Variants in CSMD3 observed in about 807,000 individuals in gnomAD.
The protein encoded by CSMD3 is CUB and sushi domain-containing protein 3.
A neutral mutation model predicts 435.2 loss-of-function variants in CSMD3; 177 were observed. The ratio of observed to expected loss-of-function variants is 0.41; its 90% confidence interval spans 0.36 to 0.46. The LOEUF is 0.46. Among genes scored for constraint, CSMD3 ranks in the 20% least tolerant of loss-of-function variants. CSMD3 has a pLI of 0.34. For missense variants in CSMD3, 4,265 were observed against 4,504.6 expected (o/e 0.95, Z 1.52); for synonymous variants, 1,656 against 1,520.5 (o/e 1.09, Z -2.07).
intron 22 of CSMD3, among the ~76,000 whole-genome samples, chr8:112,587,620 T>C (rs1385961333): frequency 3.9e-5 from 6 of 152,076 alleles, no homozygotes; most frequent in South Asian, 2.1e-4. Flanking sequence ...TGAATAATTC[T>C]AACTTCATCT....
At chr8:112,949,641 C>A (rs1281913371) in intron 8 of CSMD3, among the ~76,000 whole-genome samples, 1 of 152,034 alleles carries the variant, frequency 6.6e-6, no homozygotes, top group South Asian at 2.1e-4. Flanking sequence ...AACCTAATCA[C>A]TTTGATGCTT....
At chr8:112,248,004 T>C (rs532251623) in intron 63 of CSMD3, among the ~76,000 whole-genome samples, 2 of 152,186 alleles carry the variant, frequency 1.3e-5, no homozygotes, top group South Asian at 2.1e-4. Flanking sequence ...GCAGGGTAGG[T>C]AGAGGTTTGG....
intron 1 of CSMD3, among the ~76,000 whole-genome samples, chr8:113,399,106 T>TATACATACAC (rs773585004): frequency 1.1e-5 from 1 of 95,096 alleles, no homozygotes; most frequent in African/African-American, 4.5e-5. Flanking sequence ...TATATATATA[T>TATACATACAC]ACACACACAC....
At chr8:112,390,585 A>T in intron 36 of CSMD3, 79 bp downstream of exon 36, 1 of 1,215,760 alleles carries the variant, frequency 8.2e-7, no homozygotes, top group Non-Finnish European at 1.2e-6. Context: ...AACTTTTAGA[A>T]ATAATGTTCA....
intron 32 of CSMD3, among the ~76,000 whole-genome samples, chr8:112,427,542 T>C (rs1813198617): frequency 6.6e-6 from 1 of 152,178 alleles, no homozygotes; most frequent in Non-Finnish European, 1.5e-5. Context: ...CCTGAGGAAC[T>C]GTGAGTCAAT....
chr8:112,890,989 GAAAT>G (rs2081769722), intron 10 of CSMD3, among the ~76,000 whole-genome samples: 1 of 151,576 alleles, frequency 6.6e-6, no homozygotes, highest in Non-Finnish European at 1.5e-5. Context: ...AGATCTCTAT[GAAAT>G]ACATACATCT....
intron 1 of CSMD3, among the ~76,000 whole-genome samples, chr8:113,401,081 A>C (rs1343047378): frequency 6.6e-6 from 1 of 151,808 alleles, no homozygotes; most frequent in East Asian, 1.9e-4. Flanking sequence ...AATGAAGATA[A>C]AAAGAAAAAA....
chr8:112,269,004 G>A (rs932692400), intron 59 of CSMD3, among the ~76,000 whole-genome samples: 3 of 152,128 alleles, frequency 2.0e-5, no homozygotes, highest in African/African-American at 7.2e-5. Context: ...TCTGGCATCT[G>A]CCTGCTAGAT....
At chr8:112,817,568 G>A (rs1287501272) in intron 12 of CSMD3, among the ~76,000 whole-genome samples, 1 of 151,902 alleles carries the variant, frequency 6.6e-6, no homozygotes. Context: ...GTCACTAGAC[G>A]ACTCTGAAGT....
chr8:112,432,612 C>A (rs1397311961), intron 32 of CSMD3, among the ~76,000 whole-genome samples: 1 of 152,042 alleles, frequency 6.6e-6, no homozygotes, highest in Non-Finnish European at 1.5e-5. Context: ...TGCACCCAGC[C>A]AGAATCAATG....
chr8:112,697,363 G>A (rs2131856977), intron 13 of CSMD3, among the ~76,000 whole-genome samples: 1 of 152,274 alleles, frequency 6.6e-6, no homozygotes, highest in Non-Finnish European at 1.5e-5. Context: ...TTAAGAAAAT[G>A]TGGCACATAT....
chr8:112,708,735 C>CAAA (rs11393725), intron 13 of CSMD3, among the ~76,000 whole-genome samples: 1 of 140,322 alleles, frequency 7.1e-6, no homozygotes, highest in African/African-American at 2.6e-5. Flanking sequence ...AAAAAACCTA[C>CAAA]AAAAAAAAAT....
At chr8:112,536,342 C>T (rs1193555260) in intron 27 of CSMD3, among the ~76,000 whole-genome samples, 2 of 152,076 alleles carry the variant, frequency 1.3e-5, no homozygotes, top group African/African-American at 4.8e-5. Context: ...CTAAACAACC[C>T]CATCAAAAAG....
At chr8:113,005,482 C>T (rs189006482) in intron 6 of CSMD3, among the ~76,000 whole-genome samples, 81 of 151,530 alleles carry the variant, frequency 5.3e-4, no homozygotes, top group African/African-American at 1.8e-3. Flanking sequence ...ATTATATGTA[C>T]GACTTAAAAA....
intron 3 of CSMD3, among the ~76,000 whole-genome samples, chr8:113,265,452 T>C (rs529184694): frequency 6.6e-6 from 1 of 151,556 alleles, no homozygotes; most frequent in Non-Finnish European, 1.5e-5. Context: ...ATAGGTAGTT[T>C]GTACAGGTTG....
chr8:112,699,656 C>T (rs950158726), intron 13 of CSMD3, among the ~76,000 whole-genome samples: 5 of 152,116 alleles, frequency 3.3e-5, no homozygotes, highest in Admixed American at 6.5e-5. Context: ...TCGCATAGGA[C>T]GTATATTCAG....
chr8:113,379,297 A>C (rs377358135), intron 1 of CSMD3, among the ~76,000 whole-genome samples: 15 of 152,240 alleles, frequency 9.9e-5, no homozygotes, highest in South Asian at 2.1e-4. Context: ...AATTAAAAAA[A>C]ACACACACAC....
chr8:112,673,083 T>C (rs2075694214), intron 16 of CSMD3, among the ~76,000 whole-genome samples: 1 of 151,996 alleles, frequency 6.6e-6, no homozygotes, highest in Non-Finnish European at 1.5e-5. Context: ...GCATTTGGTC[T>C]GATAAACAGT....
chr8:113,044,790 C>A (rs2087762406), intron 5 of CSMD3, among the ~76,000 whole-genome samples: 2 of 149,034 alleles, frequency 1.3e-5, no homozygotes, highest in South Asian at 4.2e-4. Flanking sequence ...ATATCCTTTG[C>A]ATTTTATTGT....
Sources: gnomAD v4.1 joint callset for allele counts (sites outside exome capture counted in the v4.1 genomes callset) on GRCh38, gnomAD v4.1.1 for gene constraint, MANE v1.5 for transcripts, NCBI Gene and HGNC (gene_info 2026-07-23, HGNC 2026-07-21) for gene names.